The following NLRC5 variants were observed in gnomAD, a reference collection of about 807,000 sequenced individuals.
NLRC5 encodes protein NLRC5.
Under a neutral mutation model 206.9 loss-of-function variants are expected in NLRC5, and 114 were observed. The observed-to-expected ratio is 0.55, with a 90% CI of 0.47 to 0.64. The LOEUF (loss-of-function observed/expected upper bound fraction) is 0.64. NLRC5 is among the 30% of genes least tolerant of loss of function. NLRC5 has a pLI of 0.00. For synonymous variants in NLRC5, 952 were observed against 962.8 expected (o/e 0.99, Z 0.21); for missense variants, 2,008 against 2,305.5 (o/e 0.87, Z 2.64).
chr16:57,064,497 C>T (rs1372952601), intron 32 of NLRC5, among the ~76,000 whole-genome samples: 1 of 152,152 alleles, frequency 6.6e-6, no homozygotes, highest in African/African-American at 2.4e-5. Flanking sequence ...CATCTCTCTC[C>T]CTGTTTCTTT....
At chr16:57,081,642 G>T in intron 48 of NLRC5, 32 bp downstream of exon 48, 1 of 1,584,736 alleles carries the variant, frequency 6.3e-7, no homozygotes, top group Non-Finnish European at 8.7e-7. Flanking sequence ...AGGGATGGTG[G>T]GTGGGAGGCT....
intron 38 of NLRC5, among the ~76,000 whole-genome samples, chr16:57,071,966 A>G (rs931503261): frequency 1.3e-5 from 2 of 152,102 alleles, no homozygotes; most frequent in Non-Finnish European, 2.9e-5. Flanking sequence ...ATGCCCTTAC[A>G]TGACCTTTTA....
chr16:57,000,099 GGA>G (rs1567503447), intron 1 of NLRC5, among the ~76,000 whole-genome samples: 1 of 152,156 alleles, frequency 6.6e-6, no homozygotes, highest in Non-Finnish European at 1.5e-5. Flanking sequence ...GAAGCCCCAG[GGA>G]GAGGCCTCTG....
intron 24 of NLRC5, among the ~76,000 whole-genome samples, chr16:57,053,624 G>A (rs1246345943): frequency 6.6e-6 from 1 of 152,176 alleles, no homozygotes; most frequent in East Asian, 1.9e-4. Context: ...CGCCTCCCAG[G>A]TTCAGGCAAT....
rs184877810 is a variant in NLRC5 at position 57,020,906 on chromosome 16, G to A, written c.194G>A (p.Gly65Asp). ...ILQLNKLHVQ[G>D]SDTWQSFIHC... ...CAACTCAACAAGCTGCATGTCCAGG[G>A]TTCGGACACCTGGCAGTCTTTCATT... is the stretch of plus-strand genomic sequence containing the variant. Residue 65 changes from glycine to aspartate, a missense_variant, in exon 3 of 49, where the codon GGT becomes GAT. By Grantham distance (94) the Gly-to-Asp change is moderately conservative (BLOSUM62 -1). Coordinates refer to ENST00000688547, the MANE Select transcript of NLRC5 (RefSeq NM_001384950.1). The A allele has an allele frequency of 1.9e-6, 3 of 1,614,012 alleles. No homozygotes were observed. Among genetic ancestry groups the A allele is most frequent in the East Asian group, 2.2e-5 (1 of 44,838 alleles).
chr16:57,030,442 G>GGATGGATGGGTGGATGAAAA (rs1567564204), intron 10 of NLRC5, among the ~76,000 whole-genome samples: 9 of 89,938 alleles, frequency 1.0e-4, no homozygotes, highest in South Asian at 5.1e-4. Context: ...ATGAAAAGAT[G>GGATGGATGGGTGGATGAAAA]GATGGATGGA....
intron 39 of NLRC5, among the ~76,000 whole-genome samples, chr16:57,075,472 G>A (rs1028218920): frequency 2.0e-5 from 3 of 152,054 alleles, no homozygotes; most frequent in South Asian, 2.1e-4. Flanking sequence ...TGCCCACCTC[G>A]GCCTCCCAAA....
chr16:57,010,757 T>C (rs936852615), intron 1 of NLRC5, among the ~76,000 whole-genome samples: 19 of 152,258 alleles, frequency 1.2e-4, no homozygotes, highest in African/African-American at 4.6e-4. Context: ...ATTTCTCTTT[T>C]ATTTCACGTC....
Position 57,025,726 on chromosome 16 carries a change from C to T in NLRC5, c.783C>T (p.Phe261=), listed in dbSNP as rs768417275. The stretch of plus-strand genomic sequence containing the variant: ...TCCAGGCCCTGTTCCTTTTTGAATT[C>T]CGCCAGCTCAACTTGATCACGAGGT... ...NCFQALFLFE[F]RQLNLITRFL... The change falls in exon 6 of 49, where the codon TTC becomes TTT. Residue 261 remains phenylalanine, a synonymous_variant. Coordinates refer to ENST00000688547, the MANE Select transcript of NLRC5 (RefSeq NM_001384950.1). The T allele has an allele frequency of 8.7e-6, 14 of 1,614,226 alleles. No individual in the cohort carries two copies. Among genetic ancestry groups the T allele is most frequent in the Non-Finnish European group, 1.2e-5 (14 of 1,180,038 alleles).
In NLRC5 at chr16:57,055,497, T is replaced by C. The variant is rs1190036657; in HGVS notation, c.3724T>C (p.Cys1242Arg). Residue 1242 changes from cysteine (C) to arginine (R), a missense_variant, in exon 27 of 49, where the codon TGT (cysteine) becomes CGT (arginine). Transcript: ENST00000688547. The part of the protein sequence containing the change: ...VESLCWLLSK[C>R]KDLSQVDLSA... ...GTCACTCTGCTGGTTGCTGAGCAAG[T>C]GTAAAGACCTCAGCCAGGTGGAGTA... is the stretch of plus-strand genomic sequence containing the variant. 6.2e-7 allele frequency: 1 copy of C among 1,613,432 alleles called. No homozygotes were observed. Among genetic ancestry groups the C allele is most frequent in the Admixed American group, 1.7e-5 (1 of 59,990 alleles).
chr16:57,030,438 A>AGATGGATGGATGGGTGGATGAATAGATG (rs765082342), intron 10 of NLRC5, among the ~76,000 whole-genome samples: 1 of 89,542 alleles, frequency 1.1e-5, no homozygotes, highest in Non-Finnish European at 2.3e-5. Context: ...GTGGATGAAA[A>AGATGGATGGATGGGTGGATGAATAGATG]GATGGATGGA....
chr16:56,997,249 G>A (rs2057722861), intron 1 of NLRC5, among the ~76,000 whole-genome samples: 1 of 152,120 alleles, frequency 6.6e-6, no homozygotes, highest in Non-Finnish European at 1.5e-5. Flanking sequence ...CAGGAAACGT[G>A]CCTGGAAATA....
At chr16:57,015,592 AAATAAAT>A (rs1218843169) in intron 1 of NLRC5, among the ~76,000 whole-genome samples, 1 of 25,654 alleles carries the variant, frequency 3.9e-5, no homozygotes, top group African/African-American at 1.6e-4. Context: ...TCTCTTAAAA[AAATAAAT>A]AAATAAATAA....
In NLRC5 at chr16:57,082,590, C is replaced by A. The variant is rs1239510960; in HGVS notation, c.*62C>A. 8.5e-6 allele frequency: 11 copies of A among 1,286,620 alleles called. No homozygotes were observed. Among genetic ancestry groups the A allele is most frequent in the African/African-American group, 2.9e-5 (2 of 68,144 alleles). The allele number at this position is 1,286,620 out of a possible 1,614,324, so 79.7% of individuals were successfully genotyped here. On this transcript the variant is annotated 3_prime_UTR_variant, in exon 49 of 49. Transcript: ENST00000688547. The stretch of plus-strand genomic sequence containing the variant: ...TGCACCCAAATGATCCACCTTTCGC[C>A]CACTGGGATAATTGACTCAGGAAAG...
chr16:57,021,844 A>G (rs2060707544), intron 3 of NLRC5, among the ~76,000 whole-genome samples: 1 of 152,088 alleles, frequency 6.6e-6, no homozygotes, highest in African/African-American at 2.4e-5. Flanking sequence ...GAAAATGGGA[A>G]CTCACTTAAG....
intron 46 of NLRC5, among the ~76,000 whole-genome samples, chr16:57,080,639 C>G (rs2069018719): frequency 6.6e-6 from 1 of 152,046 alleles, no homozygotes; most frequent in Non-Finnish European, 1.5e-5. Flanking sequence ...TGCCCACCAC[C>G]ACACCCAGCT....
chr16:57,018,618 G>T (rs1034408621), intron 2 of NLRC5, among the ~76,000 whole-genome samples: 1 of 152,194 alleles, frequency 6.6e-6, no homozygotes, highest in Non-Finnish European at 1.5e-5. Flanking sequence ...ACCCCAGGAC[G>T]CATAGTACTG....
chr16:57,064,269 TAAAGA>T (rs1402824207), intron 32 of NLRC5, among the ~76,000 whole-genome samples: 2 of 152,034 alleles, frequency 1.3e-5, no homozygotes, highest in Non-Finnish European at 2.9e-5. Flanking sequence ...CAGAAATACA[TAAAGA>T]AAATAGTGCT....
At chr16:57,077,654 C>T in intron 41 of NLRC5, 65 bp from the exon 42 acceptor site, 1 of 1,474,232 alleles carries the variant, frequency 6.8e-7, no homozygotes, top group Non-Finnish European at 9.2e-7. Flanking sequence ...GCAGACCCAG[C>T]AGATGTGCTG....
Sources: gnomAD v4.1 joint callset for allele counts (sites outside exome capture counted in the v4.1 genomes callset) on GRCh38, gnomAD v4.1.1 for gene constraint, MANE v1.5 for transcripts, NCBI Gene and HGNC (gene_info 2026-07-23, HGNC 2026-07-21) for gene names.